CPXM2: variants seen among roughly 807,000 people sequenced by gnomAD.
CPXM2 encodes the protein inactive carboxypeptidase-like protein X2.
A neutral mutation model predicts 86.1 loss-of-function variants in CPXM2; 66 were observed. The ratio of observed to expected loss-of-function variants is 0.77; its 90% CI spans 0.63 to 0.94. The LOEUF (loss-of-function observed/expected upper bound fraction) is 0.94. CPXM2 is among the 40% of genes least tolerant of loss of function. The pLI is 0.00. For synonymous variants in CPXM2, 388 were observed against 400.2 expected (o/e 0.97, Z 0.36); for missense variants, 948 against 1,026.3 (o/e 0.92, Z 1.04).
intron 2 of CPXM2, among the ~76,000 whole-genome samples, chr10:123,905,386 A>G (rs1945429605): frequency 6.6e-6 from 1 of 152,170 alleles, no homozygotes; most frequent in Admixed American, 6.5e-5. Context: ...AGCACTGGAC[A>G]AGGAGCCACT....
intron 6 of CPXM2, among the ~76,000 whole-genome samples, chr10:123,794,414 G>A (rs967205814): frequency 2.0e-5 from 3 of 152,154 alleles, no homozygotes; most frequent in African/African-American, 7.2e-5. Context: ...GGGTGCCAAC[G>A]CTGTAGCCTA....
intron 2 of CPXM2, among the ~76,000 whole-genome samples, chr10:123,929,314 G>GTGC (rs1345933108): frequency 7.9e-5 from 12 of 152,344 alleles, no homozygotes; most frequent in African/African-American, 2.9e-4. Context: ...CCATGGGAGG[G>GTGC]CACTGGTGCC....
chr10:123,751,295 A>G (rs1375748112), intron 13 of CPXM2, among the ~76,000 whole-genome samples: 1 of 152,214 alleles, frequency 6.6e-6, no homozygotes, highest in Non-Finnish European at 1.5e-5. Context: ...CGACCCCCCG[A>G]GTAGAGAGCA....
chr10:123,789,816 T>C (rs1330614470), intron 6 of CPXM2, among the ~76,000 whole-genome samples: 14 of 152,134 alleles, frequency 9.2e-5, no homozygotes. Flanking sequence ...TCCGATTGGC[T>C]ATTTTAAAGA....
At chr10:123,910,696 T>C (rs527560353) in intron 2 of CPXM2, among the ~76,000 whole-genome samples, 1 of 152,234 alleles carries the variant, frequency 6.6e-6, no homozygotes, top group Non-Finnish European at 1.5e-5. Flanking sequence ...CTCTGCCTCA[T>C]TATTGACTGT....
chr10:123,943,565 G>A (rs576785309), upstream of CPXM2, among the ~76,000 whole-genome samples: 1 of 152,320 alleles, frequency 6.6e-6, no homozygotes, highest in Admixed American at 6.5e-5. Context: ...GGGCCCCACA[G>A]GGAGTTGCAT....
chr10:123,914,712 T>C (rs1428333711), intron 2 of CPXM2, among the ~76,000 whole-genome samples: 2 of 152,188 alleles, frequency 1.3e-5, no homozygotes, highest in African/African-American at 2.4e-5. Context: ...TTCCAACGTA[T>C]ACCATGTATC....
At chr10:123,831,324 T>C (rs1848162299) in intron 4 of CPXM2, among the ~76,000 whole-genome samples, 1 of 152,108 alleles carries the variant, frequency 6.6e-6, no homozygotes, top group African/African-American at 2.4e-5. Flanking sequence ...ATAAGAATCC[T>C]AAAGAAGAGA....
chr10:123,862,794 C>A, intron 2 of CPXM2, 71 bp from the exon 3 acceptor site: 1 of 1,356,718 alleles, frequency 7.4e-7, no homozygotes, highest in Non-Finnish European at 1.0e-6. Context: ...TTTTCTAAAT[C>A]TGGCCGCGTG....
chr10:123,863,559 G>A (rs1848906613), intron 2 of CPXM2, among the ~76,000 whole-genome samples: 1 of 152,224 alleles, frequency 6.6e-6, no homozygotes. Flanking sequence ...TCTGACCCAT[G>A]TGGTGGCAGT....
intron 1 of CPXM2, among the ~76,000 whole-genome samples, chr10:123,888,361 T>C (rs146475695): frequency 3.9e-5 from 6 of 152,324 alleles, no homozygotes; most frequent in Admixed American, 1.3e-4. Context: ...CATCTCTAAA[T>C]TGAACCCCTC....
At chr10:123,936,810 T>C (rs1404534323) in intron 2 of CPXM2, among the ~76,000 whole-genome samples, 1 of 152,198 alleles carries the variant, frequency 6.6e-6, no homozygotes, top group African/African-American at 2.4e-5. Context: ...GGCTCTGGCC[T>C]GCACCCTCCT....
chr10:123,912,525 G>A (rs1273814897), intron 2 of CPXM2, among the ~76,000 whole-genome samples: 1 of 152,240 alleles, frequency 6.6e-6, no homozygotes, highest in African/African-American at 2.4e-5. Flanking sequence ...TTGCACCGGT[G>A]TGGAAAAGAA....
At chr10:123,839,334 C>T (rs931532143) in intron 4 of CPXM2, among the ~76,000 whole-genome samples, 2 of 152,154 alleles carry the variant, frequency 1.3e-5, no homozygotes, top group Non-Finnish European at 1.5e-5. Context: ...CCTCCACATT[C>T]CCCCCTTACA....
At chr10:123,923,044 T>G (rs1328635673) in intron 2 of CPXM2, among the ~76,000 whole-genome samples, 1 of 152,120 alleles carries the variant, frequency 6.6e-6, no homozygotes. Context: ...TTCAAGCCTC[T>G]ATAGCTAACT....
At chr10:123,861,854 G>T (rs186683318) in intron 3 of CPXM2, among the ~76,000 whole-genome samples, 1 of 152,228 alleles carries the variant, frequency 6.6e-6, no homozygotes, top group Non-Finnish European at 1.5e-5. Flanking sequence ...AAGAGGCTAC[G>T]TTTGTCACAG....
In CPXM2 at chr10:123,754,298, C is replaced by A. The variant is rs1846148328; in HGVS notation, c.2017+365G>T. Reference sequence around the variant, plus strand: ...GCAGCCTGGCTCCCTCGCTCCCTGGCCCCTCTGCACTCATGGACACAGGCC... The same window carrying A: ...GCAGCCTGGCTCCCTCGCTCCCTGGACCCTCTGCACTCATGGACACAGGCC... On this transcript the variant is annotated intron_variant, in intron 13 of 13. Transcript: ENST00000241305. The surrounding 1 kb of genome is among the most constrained non-coding windows in gnomAD (Gnocchi z 4.0). Among the ~76,000 whole-genome samples the A allele has an allele frequency of 6.6e-6, 1 of 152,202 alleles. No homozygotes were observed. Among genetic ancestry groups the A allele is most frequent in the African/African-American group, 2.4e-5 (1 of 41,452 alleles).
intron 1 of CPXM2, among the ~76,000 whole-genome samples, chr10:123,884,455 G>C (rs1203392262): frequency 6.6e-6 from 1 of 152,180 alleles, no homozygotes; most frequent in Non-Finnish European, 1.5e-5. Flanking sequence ...ACACAGGGAG[G>C]AATCACCTGC....
chr10:123,878,193 C>A lies in CPXM2; in HGVS notation c.403+2018G>T, dbSNP rs76919233. On this transcript the variant is annotated intron_variant, in intron 2 of 13. Coordinates refer to ENST00000241305, the MANE Select transcript of CPXM2 (RefSeq NM_198148.3). ...CTGCGTTCCTAACGGCCACGCCACC[C>A]TGCCACATGTGCCCTGCCTCCATGG... 5.3e-5 allele frequency among the ~76,000 whole-genome samples: 8 copies of A among 152,238 alleles called. No individual in the cohort carries two copies. The East Asian group carries it at 1.5e-3, about 29-fold the overall frequency.
Sources: gnomAD v4.1 joint callset for allele counts (sites outside exome capture counted in the v4.1 genomes callset) on GRCh38, gnomAD v4.1.1 for gene constraint, Gnocchi (gnomAD v3.1) non-coding constraint, MANE v1.5 for transcripts, NCBI Gene and HGNC (gene_info 2026-07-23, HGNC 2026-07-21) for gene names.